The following SPON1 variants were observed in gnomAD, a reference collection of about 807,000 sequenced individuals.
SPON1 encodes the protein spondin-1.
SPON1 carries 52 observed loss-of-function variants against 111.7 expected under a neutral mutation model. The ratio of observed to expected loss-of-function variants is 0.47; its 90% CI spans 0.37 to 0.59. The LOEUF (loss-of-function observed/expected upper bound fraction) is 0.59. Ranked by LOEUF, SPON1 falls within the 20% of genes least tolerant of loss-of-function variation. SPON1 has a pLI of 0.00. For synonymous variants in SPON1, 410 were observed against 395.8 expected (o/e 1.04, Z -0.43); for missense variants, 957 against 1,068.5 (o/e 0.90, Z 1.46).
At chr11:14,124,690 T>G (rs533995457) in intron 5 of SPON1, among the ~76,000 whole-genome samples, 90 of 152,342 alleles carry the variant, frequency 5.9e-4, no homozygotes, top group African/African-American at 2.0e-3. Flanking sequence ...CGTTGTAGCA[T>G]GAAAGTGGCC....
At chr11:14,006,798 G>A (rs1310694802) in intron 2 of SPON1, among the ~76,000 whole-genome samples, 2 of 152,120 alleles carry the variant, frequency 1.3e-5, no homozygotes, top group African/African-American at 2.4e-5. Context: ...CCTGAGCCCT[G>A]CACCTGGAAA....
chr11:14,168,988 A>T (rs1297583933), intron 6 of SPON1, among the ~76,000 whole-genome samples: 2 of 152,222 alleles, frequency 1.3e-5, no homozygotes, highest in African/African-American at 4.8e-5. Flanking sequence ...TTATAGCAGC[A>T]TGATTTATAA....
chr11:13,975,724 C>T (rs1026160423), intron 1 of SPON1, among the ~76,000 whole-genome samples: 5 of 152,152 alleles, frequency 3.3e-5, no homozygotes, highest in South Asian at 2.1e-4. Context: ...TTGTAAGAAT[C>T]GTCCCCAAAG....
At chr11:14,136,356 G>C (rs1201757184) in intron 6 of SPON1, among the ~76,000 whole-genome samples, 3 of 152,208 alleles carry the variant, frequency 2.0e-5, no homozygotes, top group African/African-American at 7.2e-5. Context: ...AAGTGCTCTG[G>C]AGGAAGTAAG....
intron 6 of SPON1, among the ~76,000 whole-genome samples, chr11:14,162,917 C>G (rs977114917): frequency 6.6e-6 from 1 of 152,178 alleles, no homozygotes; most frequent in Non-Finnish European, 1.5e-5. Context: ...ATCGGCTGGT[C>G]CTGCAAAGAG....
At chr11:14,260,812 G>A (rs570914884) in intron 14 of SPON1, 60 bp downstream of exon 14, 43 of 1,546,748 alleles carry the variant, frequency 2.8e-5, no homozygotes, top group East Asian at 1.4e-4. Context: ...AGGGAGCCCC[G>A]AACCAGCCAG....
At chr11:14,012,998 C>CTCTG (rs374842138) in intron 2 of SPON1, among the ~76,000 whole-genome samples, 45 of 152,284 alleles carry the variant, frequency 3.0e-4, no homozygotes, top group African/African-American at 1.1e-3. Flanking sequence ...GATGACTGTA[C>CTCTG]TCTGATATTT....
chr11:14,028,732 A>G (rs1848537435), intron 2 of SPON1, among the ~76,000 whole-genome samples: 1 of 152,172 alleles, frequency 6.6e-6, no homozygotes, highest in Non-Finnish European at 1.5e-5. Flanking sequence ...CTCTGTACAC[A>G]GGACATCTTT....
intron 5 of SPON1, among the ~76,000 whole-genome samples, chr11:14,129,062 G>T (rs937149125): frequency 1.4e-4 from 22 of 152,226 alleles, no homozygotes; most frequent in African/African-American, 5.3e-4. Context: ...GATAGCAGGG[G>T]CTGCTGTGAA....
At position 14,262,923 on chromosome 11, in the gene SPON1, G is replaced by A; in HGVS notation, c.2208G>A (p.Glu736=). 1.2e-6 allele frequency: 2 copies of A among 1,613,816 alleles called. No individual in the cohort carries two copies. The highest frequency in any genetic ancestry group is 1.7e-6 in the Non-Finnish European group (2 of 1,179,896). ...AGCTACGCTGGAGGGAGGCCCGAGA[G>A]AGCCGGCGGAGTGAGCAGCTGAAGG... ...IQKLRWREAR[E]SRRSEQLKEE... is the part of the protein sequence containing the mutation. Residue 736 remains glutamate, a synonymous_variant, in exon 15 of 16, where the codon GAG becomes GAA. Transcript: ENST00000576479.
intron 6 of SPON1, among the ~76,000 whole-genome samples, chr11:14,173,702 T>C (rs533217164): frequency 1.7e-4 from 26 of 152,348 alleles, no homozygotes; most frequent in African/African-American, 6.3e-4. Flanking sequence ...TTAGTTTTCC[T>C]TCTAACAGTC....
chr11:13,966,345 C>T (rs1852757), intron 1 of SPON1, among the ~76,000 whole-genome samples: 126,206 of 152,078 alleles, frequency 0.83, 52,547 homozygotes, highest in East Asian at 0.97. Context: ...TTCCCTTATA[C>T]AGGAGGACAA....
chr11:13,964,438 A>G (rs1847999851), intron 1 of SPON1, among the ~76,000 whole-genome samples: 1 of 152,178 alleles, frequency 6.6e-6, no homozygotes, highest in South Asian at 2.1e-4. Context: ...GGGCAGCGTC[A>G]GCGGGCGCCA....
At chr11:13,997,825 T>A (rs1046317358) in intron 2 of SPON1, among the ~76,000 whole-genome samples, 1 of 152,208 alleles carries the variant, frequency 6.6e-6, no homozygotes, top group Admixed American at 6.5e-5. Context: ...GGGCTCTCAA[T>A]TGCTGGTTTT....
intron 6 of SPON1, among the ~76,000 whole-genome samples, chr11:14,200,755 C>T (rs1848452643): frequency 7.4e-6 from 1 of 134,462 alleles, no homozygotes; most frequent in African/African-American, 2.9e-5. Flanking sequence ...GTGGAGGTTG[C>T]AGTGAGCCAA....
intron 6 of SPON1, among the ~76,000 whole-genome samples, chr11:14,196,254 G>A (rs1848400021): frequency 6.6e-6 from 1 of 152,164 alleles, no homozygotes; most frequent in Non-Finnish European, 1.5e-5. Flanking sequence ...GCATGGAAAC[G>A]TCCAGCATAG....
At chr11:14,182,309 C>T (rs1848242858) in intron 6 of SPON1, among the ~76,000 whole-genome samples, 1 of 152,150 alleles carries the variant, frequency 6.6e-6, no homozygotes, top group Admixed American at 6.6e-5. Flanking sequence ...AAGTCAAAAT[C>T]CCATGGCGCG....
chr11:14,260,613 A>G lies in SPON1; in HGVS notation c.1857A>G (p.Pro619=). ...ACACCATCCCATGCTTGCTGTCCCCATGGTCCGAGTGGAGTGACTGCAGCG... is the reference window on the plus strand; with the variant it reads ...ACACCATCCCATGCTTGCTGTCCCCGTGGTCCGAGTGGAGTGACTGCAGCG... The part of the protein sequence containing the change: ...ECHTIPCLLS[P]WSEWSDCSVT... Residue 619 remains proline (P), a synonymous_variant, in exon 14 of 16, where the codon CCA becomes CCG. Transcript: ENST00000576479. 1 of 1,613,902 alleles carries G rather than the reference A, an allele frequency of 6.2e-7. No individual in the cohort carries two copies. Among genetic ancestry groups the G allele is most frequent in the South Asian group, 1.1e-5 (1 of 91,070 alleles).
At chr11:13,963,554 A>T (rs1554907746) in intron 1 of SPON1, among the ~76,000 whole-genome samples, 1 of 151,940 alleles carries the variant, frequency 6.6e-6, no homozygotes, top group African/African-American at 2.4e-5. Context: ...CAAGGCAGCC[A>T]CTCCAGCTTT....
Sources: allele counts gnomAD v4.1 joint callset (sites outside exome capture counted in the v4.1 genomes callset), GRCh38; gene constraint gnomAD v4.1.1; transcripts MANE v1.5; gene names NCBI Gene and HGNC (gene_info 2026-07-23, HGNC 2026-07-21).